Variants in SLC27A2 observed in about 807,000 individuals in gnomAD.
SLC27A2 encodes solute carrier family 27 member 2.
Under a neutral mutation model 60.0 loss-of-function variants are expected in SLC27A2, and 54 were observed. That is an observed-to-expected ratio of 0.90 (90% confidence interval 0.72 to 1.13). The LOEUF (loss-of-function observed/expected upper bound fraction) is 1.13. SLC27A2 is among the 50% of genes most tolerant of loss of function. The probability of loss-of-function intolerance (pLI) is 0.00; values close to 1 mark genes in which losing one functional copy is unlikely to be tolerated. For synonymous variants in SLC27A2, 297 were observed against 297.6 expected, an observed-to-expected ratio of 1.00 and a Z score of 0.02; for missense variants, 739 against 777.6, an observed-to-expected ratio of 0.95 and a Z score of 0.59.
intron 1 of SLC27A2, among the ~76,000 whole-genome samples, chr15:50,196,436 G>A (rs1259118674): frequency 6.6e-6 from 1 of 151,956 alleles, no homozygotes; most frequent in African/African-American, 2.4e-5. Context: ...AGAGTAGTGT[G>A]TACTAGGCAT....
intron 3 of SLC27A2, among the ~76,000 whole-genome samples, chr15:50,204,024 TAC>T (rs376863557): frequency 4.6e-5 from 7 of 150,538 alleles, no homozygotes; most frequent in African/African-American, 9.7e-5. Flanking sequence ...CACACACACA[TAC>T]ACACACACAC....
chr15:50,228,017 G>A (rs559879341), intron 7 of SLC27A2, among the ~76,000 whole-genome samples: 1 of 152,248 alleles, frequency 6.6e-6, no homozygotes, highest in South Asian at 2.1e-4. Context: ...ACTATTCCAT[G>A]TCTTAAGATC....
rs1351503320 is a variant in SLC27A2, at chr15:50,235,910, T to G, written c.1687-10T>G. 6.2e-7 allele frequency: 1 copy of G among 1,601,202 alleles called. No individual in the cohort carries two copies. Among genetic ancestry groups the G allele is most frequent in the Non-Finnish European group, 8.5e-7 (1 of 1,170,656 alleles). ...TGCAACCAAAATGTGGATTATTTGA[T>G]GTTTTTCAGGACACCATTGAGATCA... On this transcript the variant is annotated splice_polypyrimidine_tract_variant and intron_variant, in intron 9 of 9. Coordinates refer to ENST00000267842, the MANE Select transcript of SLC27A2 (RefSeq NM_003645.4).
chr15:50,184,410 G>A (rs948935712), intron 1 of SLC27A2, among the ~76,000 whole-genome samples: 1 of 152,148 alleles, frequency 6.6e-6, no homozygotes, highest in African/African-American at 2.4e-5. Context: ...ACTGAGGCAA[G>A]CTAAGCGGGT....
At chr15:50,232,456 GT>G (rs2045322361) in intron 8 of SLC27A2, among the ~76,000 whole-genome samples, 1 of 152,178 alleles carries the variant, frequency 6.6e-6, no homozygotes, top group Non-Finnish European at 1.5e-5. Context: ...ACCAGTGGGT[GT>G]CATATTAGAC....
chr15:50,198,753 AT>A (rs1238216193), intron 2 of SLC27A2, among the ~76,000 whole-genome samples: 1 of 152,188 alleles, frequency 6.6e-6, no homozygotes, highest in Non-Finnish European at 1.5e-5. Flanking sequence ...TAAAATTTTA[AT>A]TTAATTTAAG....
chr15:50,216,130 C>A (rs148847423), intron 4 of SLC27A2, among the ~76,000 whole-genome samples: 25 of 152,186 alleles, frequency 1.6e-4, no homozygotes, highest in African/African-American at 5.8e-4. Context: ...CAAACAATCC[C>A]ATCAAAAAGT....
At chr15:50,190,351 T>C (rs1003377999) in intron 1 of SLC27A2, among the ~76,000 whole-genome samples, 37 of 152,228 alleles carry the variant, frequency 2.4e-4, no homozygotes, top group Admixed American at 1.8e-3. Flanking sequence ...TCAGAGTACA[T>C]TTCCTTTCAC....
chr15:50,191,116 C>T (rs1272058279), intron 1 of SLC27A2: 1 of 152,190 alleles, frequency 6.6e-6, no homozygotes, highest in Admixed American at 6.5e-5. Flanking sequence ...TGAGCCTCTT[C>T]TCATTTGTAG....
intron 2 of SLC27A2, 127 bp from the exon 3 acceptor site, chr15:50,202,360 G>A (rs1046782276): frequency 1.7e-5 from 15 of 887,976 alleles, no homozygotes; most frequent in Non-Finnish European, 2.6e-5. Flanking sequence ...TGGACTAACT[G>A]GTCATGGCCC....
At chr15:50,189,517 A>G (rs911438514) in intron 1 of SLC27A2, among the ~76,000 whole-genome samples, 3 of 152,102 alleles carry the variant, frequency 2.0e-5, no homozygotes, top group African/African-American at 7.2e-5. Flanking sequence ...ATTCTCTAAG[A>G]TTTTTCTTCT....
chr15:50,227,838 G>T (rs1344064092), intron 7 of SLC27A2, among the ~76,000 whole-genome samples: 1 of 152,170 alleles, frequency 6.6e-6, no homozygotes, highest in Non-Finnish European at 1.5e-5. Context: ...AATGAGGAAG[G>T]GATGGAAGTT....
At chr15:50,214,298 A>C (rs1217009441) in intron 4 of SLC27A2, among the ~76,000 whole-genome samples, 2 of 152,172 alleles carry the variant, frequency 1.3e-5, no homozygotes, top group Non-Finnish European at 2.9e-5. Context: ...ACAGACCAAT[A>C]ACAAGCAGGA....
intron 1 of SLC27A2, among the ~76,000 whole-genome samples, 198 bp downstream of exon 1, chr15:50,183,103 G>A (rs2044882054): frequency 6.6e-6 from 1 of 152,226 alleles, no homozygotes; most frequent in South Asian, 2.1e-4. Context: ...TAATGTGCTA[G>A]GTTCTGTGTT....
Position 50,184,708 on chromosome 15 carries a change from G to A in SLC27A2, c.478+1803G>A, listed in dbSNP as rs373636560. 3.0e-3 allele frequency among the ~76,000 whole-genome samples: 449 copies of A among 151,812 alleles called. 1 individual carries two copies. Among genetic ancestry groups the A allele is most frequent in the African/African-American group, 0.01 (420 of 41,388 alleles). The stretch of plus-strand genomic sequence containing the variant: ...AAAAATTAGCTGGGCATGGTGGCGC[G>A]TGCCTGTAATCCCAACTACCTGGGA... On this transcript the variant is annotated intron_variant, in intron 1 of 9. Coordinates refer to ENST00000267842, the MANE Select transcript of SLC27A2 (RefSeq NM_003645.4).
In SLC27A2 at chr15:50,182,875, T is replaced by A; in HGVS notation, c.448T>A (p.Cys150Ser). Residue 150 changes from cysteine (C) to serine (S), a missense_variant, in exon 1 of 10, where the codon TGC (cysteine) becomes AGC (serine). Coordinates refer to ENST00000267842, the MANE Select transcript of SLC27A2 (RefSeq NM_003645.4). ...GTCCCTGCTGCACTGCTTCCAGTGC[T>A]GCGGGGCGAAGGTGCTGCTGGTGTC... ...AKSLLHCFQC[C>S]GAKVLLVSPE... 6.2e-7 allele frequency: 1 copy of A among 1,611,518 alleles called. No individual in the cohort carries two copies. Among genetic ancestry groups the A allele is most frequent in the Non-Finnish European group, 8.5e-7 (1 of 1,179,278 alleles).
At position 50,197,546 on chromosome 15, in the gene SLC27A2, T is replaced by C. The variant is rs2045033321; in HGVS notation, c.525T>C (p.Asp175=). 6.2e-7 allele frequency: 1 copy of C among 1,614,098 alleles called. No individual in the cohort carries two copies. Among genetic ancestry groups the C allele is most frequent in the Non-Finnish European group, 8.5e-7 (1 of 1,179,978 alleles). Residue 175 remains aspartate, a synonymous_variant, in exon 2 of 10, where the codon GAT becomes GAC. Transcript: ENST00000267842. The stretch of plus-strand genomic sequence containing the variant: ...AGATACTGCCAAGCCTTAAAAAAGA[T>C]GATGTGTCCATCTATTATGTGAGCA... ...VEEILPSLKK[D]DVSIYYVSRT... is the part of the protein sequence containing the mutation.
intron 2 of SLC27A2, 45 bp downstream of exon 2, chr15:50,197,754 G>A: frequency 7.2e-7 from 1 of 1,397,672 alleles, no homozygotes; most frequent in Non-Finnish European, 1.0e-6. Context: ...ATCTGAAGGA[G>A]TTAAATGTTG....
chr15:50,209,930 G>A (rs1167713184), intron 4 of SLC27A2, among the ~76,000 whole-genome samples: 1 of 152,144 alleles, frequency 6.6e-6, no homozygotes, highest in Admixed American at 6.6e-5. Context: ...AGTATAGGAA[G>A]CTAAAAGATA....
Sources: gnomAD v4.1 joint callset for allele counts (sites outside exome capture counted in the v4.1 genomes callset) on GRCh38, gnomAD v4.1.1 for gene constraint, MANE v1.5 for transcripts, NCBI Gene and HGNC (gene_info 2026-07-23, HGNC 2026-07-21) for gene names.